Variants in AHCYL2 observed in about 807,000 individuals in gnomAD.
The protein encoded by AHCYL2 is adenosylhomocysteinase like 2.
A neutral mutation model predicts 81.4 loss-of-function variants in AHCYL2; 28 were observed. The ratio of observed to expected loss-of-function variants is 0.34; its 90% confidence interval spans 0.25 to 0.47. AHCYL2 has a LOEUF of 0.47. AHCYL2 is among the 20% of genes least tolerant of loss of function. The pLI, the probability that AHCYL2 is intolerant of heterozygous loss-of-function variation, is 1.00. For missense variants in AHCYL2, 551 were observed against 785.1 expected (o/e 0.70, Z 3.56); for synonymous variants, 272 against 290.2 (o/e 0.94, Z 0.64).
intron 1 of AHCYL2, among the ~76,000 whole-genome samples, chr7:129,325,263 CT>C (rs938676879): frequency 6.6e-6 from 1 of 151,874 alleles, no homozygotes; most frequent in African/African-American, 2.4e-5. Flanking sequence ...TGTATTTTGC[CT>C]TTGTTTTTGA....
At chr7:129,345,110 A>T (rs1793315520) in intron 1 of AHCYL2, among the ~76,000 whole-genome samples, 1 of 152,134 alleles carries the variant, frequency 6.6e-6, no homozygotes, top group African/African-American at 2.4e-5. Context: ...AGCCGAGATC[A>T]TGCCACTGCA....
chr7:129,271,375 A>AAAAC (rs1470793401), intron 1 of AHCYL2, among the ~76,000 whole-genome samples: 5 of 151,928 alleles, frequency 3.3e-5, no homozygotes, highest in African/African-American at 1.2e-4. Context: ...AAAAAAAAAA[A>AAAAC]AAAAGAGTTT....
intron 1 of AHCYL2, among the ~76,000 whole-genome samples, chr7:129,314,043 C>G (rs983708020): frequency 1.3e-5 from 2 of 152,050 alleles, no homozygotes; most frequent in Admixed American, 1.3e-4. Context: ...TAAATTATGC[C>G]CATGGACTTC....
At chr7:129,313,058 T>C (rs1233912970) in intron 1 of AHCYL2, among the ~76,000 whole-genome samples, 2 of 152,336 alleles carry the variant, frequency 1.3e-5, no homozygotes, top group East Asian at 3.9e-4. Context: ...ATTTATTGTC[T>C]CTCTCCTAGA....
chr7:129,317,328 C>G (rs538869606), intron 1 of AHCYL2, among the ~76,000 whole-genome samples: 3 of 152,282 alleles, frequency 2.0e-5, no homozygotes, highest in Admixed American at 6.5e-5. Context: ...ACTAAATTAT[C>G]TTATGCTCCC....
intron 1 of AHCYL2, among the ~76,000 whole-genome samples, chr7:129,319,550 G>C (rs1240061476): frequency 2.0e-5 from 3 of 152,164 alleles, no homozygotes; most frequent in Non-Finnish European, 4.4e-5. Flanking sequence ...TCTCAGATTA[G>C]CAAGTACCTG....
chr7:129,345,395 G>A (rs1324104003), intron 1 of AHCYL2, among the ~76,000 whole-genome samples: 1 of 152,200 alleles, frequency 6.6e-6, no homozygotes, highest in Non-Finnish European at 1.5e-5. Flanking sequence ...TAAGATGACT[G>A]AAGAACTATC....
intron 4 of AHCYL2, among the ~76,000 whole-genome samples, chr7:129,392,049 G>GT (rs1795495406): frequency 6.6e-6 from 1 of 152,100 alleles, no homozygotes; most frequent in South Asian, 2.1e-4. Flanking sequence ...CATCTAGTTT[G>GT]TTTTTTACCC....
chr7:129,352,937 C>CT (rs59762582), intron 1 of AHCYL2, among the ~76,000 whole-genome samples: 37,498 of 82,672 alleles, frequency 0.45, 8,278 homozygotes, highest in East Asian at 0.55. Flanking sequence ...CCTCCTCATT[C>CT]TTTTTTTTTT....
At chr7:129,247,795 T>A (rs1352906457) in intron 1 of AHCYL2, among the ~76,000 whole-genome samples, 1 of 151,954 alleles carries the variant, frequency 6.6e-6, no homozygotes, top group Non-Finnish European at 1.5e-5. Context: ...AGAGAAGGGG[T>A]TTTGCCATGT....
intron 1 of AHCYL2, among the ~76,000 whole-genome samples, chr7:129,243,991 C>CT (rs953771683): frequency 6.6e-6 from 1 of 150,504 alleles, no homozygotes; most frequent in African/African-American, 2.4e-5. Context: ...TTATTTTTTT[C>CT]TTTTTTTGTG....
intron 1 of AHCYL2, among the ~76,000 whole-genome samples, chr7:129,256,308 A>G (rs1367800455): frequency 1.3e-5 from 2 of 152,218 alleles, no homozygotes; most frequent in Non-Finnish European, 2.9e-5. Context: ...TATGTATCAA[A>G]TATAAAGCTC....
rs186566773 is a variant in AHCYL2 at position 129,298,921 on chromosome 7, C to A, written c.363+73482C>A. 3.3e-3 allele frequency among the ~76,000 whole-genome samples: 509 copies of A among 152,118 alleles called. 3 individuals are homozygous for A. Among genetic ancestry groups the A allele is most frequent in the Non-Finnish European group, 5.0e-3 (338 of 67,998 alleles). On this transcript the variant is annotated intron_variant, in intron 1 of 16. Coordinates refer to ENST00000325006, the MANE Select transcript of AHCYL2 (RefSeq NM_015328.4). ...TAGGCAAGCTTTTTCTGTAAAGGCT[C>A]AGATGGTAAGTGTTTTAGGCTTTGC...
chr7:129,368,657 C>T lies in AHCYL2; in HGVS notation c.364-10981C>T, dbSNP rs1426309214. The T allele has an allele frequency of 2.9e-6, 4 of 1,382,892 alleles. No homozygotes were observed. The highest frequency in any genetic ancestry group is 2.3e-5 in the East Asian group (1 of 43,562). 85.7% of individuals were successfully genotyped at this position (1,382,892 alleles called of 1,614,324 possible). A position where few individuals can be genotyped will look rare whatever the true frequency, so the allele number is the denominator to read the frequency against. On this transcript the variant is annotated intron_variant, in intron 1 of 16. Transcript: ENST00000325006. The surrounding 1 kb of genome is among the most constrained non-coding windows in gnomAD (Gnocchi z 4.4). ...CCTCTGAGAAGCTCCTACCAAGATCCGTGGTTGGAAAAACAGTTATTACTC... is the reference window on the plus strand; with the variant it reads ...CCTCTGAGAAGCTCCTACCAAGATCTGTGGTTGGAAAAACAGTTATTACTC...
chr7:129,330,643 A>G (rs1183473539), intron 1 of AHCYL2, among the ~76,000 whole-genome samples: 1 of 151,088 alleles, frequency 6.6e-6, no homozygotes, highest in Non-Finnish European at 1.5e-5. Flanking sequence ...GCTAATTTTT[A>G]GTAGAGACGA....
At position 129,368,403 on chromosome 7, in the gene AHCYL2, G is replaced by A; in HGVS notation, c.364-11235G>A. The A allele has an allele frequency of 6.2e-7, 1 of 1,602,962 alleles. No homozygotes were observed. The highest frequency in any genetic ancestry group is 8.5e-7 in the Non-Finnish European group (1 of 1,174,426). Reference sequence around the variant, plus strand: ...CTGTGAACTTCTGAATCTCACTAGGGTTGGGTCTGCTTTGGGGCACTCAGA... The same window carrying A: ...CTGTGAACTTCTGAATCTCACTAGGATTGGGTCTGCTTTGGGGCACTCAGA... On this transcript the variant is annotated intron_variant, in intron 1 of 16. Transcript: ENST00000325006. The surrounding 1 kb of genome is among the most constrained non-coding windows in gnomAD (Gnocchi z 4.4).
At chr7:129,314,742 A>T (rs1289052740) in intron 1 of AHCYL2, among the ~76,000 whole-genome samples, 10 of 152,226 alleles carry the variant, frequency 6.6e-5, no homozygotes, top group Non-Finnish European at 1.5e-4. Flanking sequence ...GGGTGGGGAC[A>T]CATAGGACAC....
chr7:129,274,457 G>T (rs1256372011), intron 1 of AHCYL2, among the ~76,000 whole-genome samples: 1 of 152,180 alleles, frequency 6.6e-6, no homozygotes, highest in African/African-American at 2.4e-5. Flanking sequence ...GGAGGGCCTT[G>T]TTGGGGCCAG....
chr7:129,355,265 T>C (rs1793698818), intron 1 of AHCYL2, among the ~76,000 whole-genome samples: 1 of 152,204 alleles, frequency 6.6e-6, no homozygotes. Flanking sequence ...TCCCCAGGTG[T>C]CATGGTAAAG....
Sources: allele counts gnomAD v4.1 joint callset (sites outside exome capture counted in the v4.1 genomes callset), GRCh38; gene constraint gnomAD v4.1.1; non-coding constraint Gnocchi (gnomAD v3.1); transcripts MANE v1.5; gene names NCBI Gene and HGNC (gene_info 2026-07-23, HGNC 2026-07-21).